ACSS3: variants seen among roughly 807,000 people sequenced by gnomAD.
The protein encoded by ACSS3 is acyl-CoA synthetase short chain family member 3, also known as acyl-CoA synthetase short-chain family member 3, mitochondrial.
A neutral mutation model predicts 84.2 loss-of-function variants in ACSS3; 64 were observed. The ratio of observed to expected loss-of-function variants is 0.76; its 90% CI spans 0.62 to 0.94. The LOEUF (loss-of-function observed/expected upper bound fraction) is 0.94. Ranked by LOEUF, ACSS3 falls within the 40% of genes least tolerant of loss-of-function variation. The probability of loss-of-function intolerance (pLI) is 0.00; values close to 1 mark genes in which losing one functional copy is unlikely to be tolerated. For missense variants in ACSS3, 815 were observed against 867.6 expected (o/e 0.94, Z 0.76); for synonymous variants, 317 against 310.1 (o/e 1.02, Z -0.23).
chr12:81,194,267 TATG>T (rs1206678720), intron 8 of ACSS3, among the ~76,000 whole-genome samples: 4 of 151,828 alleles, frequency 2.6e-5, no homozygotes, highest in African/African-American at 9.7e-5. Context: ...ATTAAATATT[TATG>T]ATATTATATT....
At chr12:81,171,103 T>G in intron 7 of ACSS3, among the ~76,000 whole-genome samples, 1 of 152,128 alleles carries the variant, frequency 6.6e-6, no homozygotes. Context: ...CTAATAATAT[T>G]ATCCCATACA....
chr12:81,098,242 G>A (rs1882228269), intron 1 of ACSS3, among the ~76,000 whole-genome samples: 1 of 151,834 alleles, frequency 6.6e-6, no homozygotes, highest in South Asian at 2.1e-4. Context: ...TGTCCCCTGA[G>A]TTGCTGAGAT....
At chr12:81,156,801 A>G (rs1036005089) in intron 7 of ACSS3, among the ~76,000 whole-genome samples, 3 of 152,240 alleles carry the variant, frequency 2.0e-5, no homozygotes, top group African/African-American at 2.4e-5. Flanking sequence ...ATGTAATTAA[A>G]TAGACTCCCA....
intron 1 of ACSS3, among the ~76,000 whole-genome samples, chr12:81,088,775 A>G (rs1458013650): frequency 6.6e-6 from 1 of 152,052 alleles, no homozygotes; most frequent in African/African-American, 2.4e-5. Flanking sequence ...AGATTTTTAA[A>G]AATTTTTTAA....
intron 13 of ACSS3, among the ~76,000 whole-genome samples, chr12:81,252,623 C>T (rs2034189386): frequency 6.6e-6 from 1 of 151,622 alleles, no homozygotes; most frequent in African/African-American, 2.4e-5. Context: ...ATATATTAAC[C>T]CTAAGCGTCT....
chr12:81,144,397 G>A (rs902785130), intron 5 of ACSS3, among the ~76,000 whole-genome samples: 1 of 152,164 alleles, frequency 6.6e-6, no homozygotes, highest in Non-Finnish European at 1.5e-5. Flanking sequence ...TGCAACTCTA[G>A]TGACTTGAAA....
chr12:81,253,383 T>C lies in ACSS3; in HGVS notation c.1796T>C (p.Leu599Ser), dbSNP rs749096175. 3 of 1,613,978 alleles carry C rather than the reference T, an allele frequency of 1.9e-6. No homozygotes were observed. The highest frequency in any genetic ancestry group is 2.2e-5 in the East Asian group (1 of 44,856). The change falls in exon 14 of 16, where the codon TTA becomes TCA. Residue 599 changes from leucine (L) to serine (S), a missense_variant. By Grantham distance (145) the Leu-to-Ser change is moderately radical. Coordinates refer to ENST00000548058, the MANE Select transcript of ACSS3 (RefSeq NM_024560.4). ...KEDPLKGHVP[L>S]ALCVLRKDIN... is the part of the protein sequence containing the mutation. ...GATCCCTTAAAAGGTCATGTCCCCTTAGCACTCTGTGTATTGAGAAAAGGT... is the reference window on the plus strand; with the variant it reads ...GATCCCTTAAAAGGTCATGTCCCCTCAGCACTCTGTGTATTGAGAAAAGGT...
At position 81,078,282 on chromosome 12, in the gene ACSS3, GTCC is replaced by G; in HGVS notation, c.166_168del (p.Ser56del). The G allele has an allele frequency of 6.2e-7, 1 of 1,611,588 alleles. No homozygotes were observed. The highest frequency in any genetic ancestry group is 8.5e-7 in the Non-Finnish European group (1 of 1,179,910). On this transcript the variant is annotated inframe_deletion, in exon 1 of 16. Transcript: ENST00000548058. ...TCGGGGGCCGGGGATGCAGGGCACT[GTCC>G]TCCGGCAGTGGCAGCGAGTACAAGA... is the stretch of plus-strand genomic sequence containing the variant.
chr12:81,134,588 A>T (rs1266566463), intron 2 of ACSS3, among the ~76,000 whole-genome samples: 2 of 152,128 alleles, frequency 1.3e-5, no homozygotes, highest in African/African-American at 4.8e-5. Context: ...TTAAGTCATA[A>T]AGTTTATGTG....
At chr12:81,198,939 T>C (rs993653028) in intron 8 of ACSS3, among the ~76,000 whole-genome samples, 1 of 152,232 alleles carries the variant, frequency 6.6e-6, no homozygotes, top group Non-Finnish European at 1.5e-5. Flanking sequence ...CCAACACTTA[T>C]GTATGTATTT....
chr12:81,230,000 C>G (rs1056416990), intron 11 of ACSS3, among the ~76,000 whole-genome samples: 1 of 151,800 alleles, frequency 6.6e-6, no homozygotes, highest in Non-Finnish European at 1.5e-5. Context: ...GACCACACTG[C>G]TTTCTTTTGT....
chr12:81,185,183 G>A (rs2135854362), intron 8 of ACSS3, among the ~76,000 whole-genome samples: 1 of 151,716 alleles, frequency 6.6e-6, no homozygotes, highest in Admixed American at 6.6e-5. Flanking sequence ...ACCTTCAACA[G>A]TTTAGGTATA....
intron 13 of ACSS3, among the ~76,000 whole-genome samples, chr12:81,241,553 T>C (rs1343104472): frequency 5.9e-5 from 9 of 152,210 alleles, no homozygotes; most frequent in Non-Finnish European, 7.3e-5. Context: ...TGATATCTCA[T>C]TGTGGTTTTG....
At chr12:81,242,078 A>G (rs1289071125) in intron 13 of ACSS3, among the ~76,000 whole-genome samples, 1 of 152,092 alleles carries the variant, frequency 6.6e-6, no homozygotes, top group Non-Finnish European at 1.5e-5. Flanking sequence ...TCCCAGCACC[A>G]TTTATTAAAT....
intron 1 of ACSS3, among the ~76,000 whole-genome samples, chr12:81,098,184 C>T (rs1038569331): frequency 1.1e-4 from 11 of 102,218 alleles, no homozygotes; most frequent in African/African-American, 4.0e-4. Flanking sequence ...GTGTGTGAGA[C>T]TGTGCCCTGC....
intron 13 of ACSS3, among the ~76,000 whole-genome samples, chr12:81,249,676 G>C (rs1052507166): frequency 4.0e-5 from 6 of 151,860 alleles, no homozygotes; most frequent in Admixed American, 3.9e-4. Context: ...TTGCTGAATA[G>C]TTCCTGAGTA....
rs201458439 is a variant in ACSS3 at position 81,174,845 on chromosome 12, G to C, written c.1156G>C (p.Gly386Arg). Reference sequence around the variant, plus strand: ...TTATTTCCGTGTGCTTGCAGAGCATGGAGTAGCTGCCTTGTTTACAGCACC... The same window carrying C: ...TTATTTCCGTGTGCTTGCAGAGCATCGAGTAGCTGCCTTGTTTACAGCACC... ...GAYFRVLAEH[G>R]VAALFTAPTA... Residue 386 changes from glycine (G) to arginine (R), a missense_variant, in exon 8 of 16, where the codon GGA becomes CGA. By Grantham distance (125) the Gly-to-Arg change is moderately radical. Coordinates refer to ENST00000548058, the MANE Select transcript of ACSS3 (RefSeq NM_024560.4). The C allele has an allele frequency of 3.5e-5, 56 of 1,613,790 alleles. No individual in the cohort carries two copies. The highest frequency in any genetic ancestry group is 2.5e-6 in the Non-Finnish European group (3 of 1,179,928).
chr12:81,109,814 G>T, intron 2 of ACSS3, 110 bp downstream of exon 2: 1 of 926,332 alleles, frequency 1.1e-6, no homozygotes, highest in Non-Finnish European at 1.5e-6. Flanking sequence ...GAAATATGTT[G>T]CCATGCTTTT....
rs983374691 is a variant in ACSS3 at position 81,255,939 on chromosome 12, T to A, written c.*1017T>A. On this transcript the variant is annotated 3_prime_UTR_variant, in exon 16 of 16. Coordinates refer to ENST00000548058, the MANE Select transcript of ACSS3 (RefSeq NM_024560.4). ...AGTTGACTATGTTTATCCAAATGAT[T>A]CCAGATTCCTGTGGAAACAAGGAAT... 6.6e-6 allele frequency: 1 copy of A among 152,214 alleles called. No individual in the cohort carries two copies. The highest frequency in any genetic ancestry group is 1.5e-5 in the Non-Finnish European group (1 of 68,052). 9.4% of individuals were successfully genotyped at this position (152,214 alleles called of 1,614,324 possible). A position where few individuals can be genotyped will look rare whatever the true frequency, so the allele number is the denominator to read the frequency against.
Sources: gnomAD v4.1 joint callset for allele counts (sites outside exome capture counted in the v4.1 genomes callset) on GRCh38, gnomAD v4.1.1 for gene constraint, MANE v1.5 for transcripts, NCBI Gene and HGNC (gene_info 2026-07-23, HGNC 2026-07-21) for gene names.